The following RBFOX1 variants were observed in gnomAD, a reference collection of about 807,000 sequenced individuals.
The protein encoded by RBFOX1 is RNA binding fox-1 homolog 1.
A neutral mutation model predicts 57.7 loss-of-function variants in RBFOX1; 8 were observed. The ratio of observed to expected loss-of-function variants is 0.14; its 90% CI spans 0.08 to 0.25. The LOEUF (loss-of-function observed/expected upper bound fraction) is 0.25. Ranked by LOEUF, RBFOX1 falls within the 10% of genes least tolerant of loss-of-function variation. The pLI is 1.00. For missense variants in RBFOX1, 611 were observed against 548.5 expected, an observed-to-expected ratio of 1.11 and a Z score of -1.14; for synonymous variants, 326 against 222.4, an observed-to-expected ratio of 1.47 and a Z score of -4.15.
intron 3 of RBFOX1, among the ~76,000 whole-genome samples, chr16:6,770,678 AAGTTCTCCGTCTGCCTGGG>A (rs938269906): frequency 2.6e-5 from 4 of 152,118 alleles, no homozygotes; most frequent in African/African-American, 9.7e-5. Context: ...AGAGTCCACA[AAGTTCTCCGTCTGCCTGGG>A]AGGCAGATGC....
At chr16:6,219,286 C>G (rs924969639) in intron 1 of RBFOX1, among the ~76,000 whole-genome samples, 1 of 151,314 alleles carries the variant, frequency 6.6e-6, no homozygotes, top group Admixed American at 6.6e-5. Flanking sequence ...CTGGGCAACA[C>G]TGGGAGACTG....
chr16:7,310,462 C>T (rs1729160710), intron 4 of RBFOX1, among the ~76,000 whole-genome samples: 1 of 152,122 alleles, frequency 6.6e-6, no homozygotes, highest in Non-Finnish European at 1.5e-5. Context: ...TTGATCAAAA[C>T]TGTAAAAACT....
At chr16:6,764,326 C>G (rs2077032594) in intron 3 of RBFOX1, among the ~76,000 whole-genome samples, 1 of 152,176 alleles carries the variant, frequency 6.6e-6, no homozygotes, top group African/African-American at 2.4e-5. Flanking sequence ...TTGAAAATGG[C>G]CCACCCTTTT....
In RBFOX1 at chr16:7,447,264, C is replaced by G. The variant is rs1050055963; in HGVS notation, c.28-70883C>G. Reference sequence around the variant, plus strand: ...CTGGCCAACATGGGGAAACCCCCATCTCTACTAAAAATACAAAAATTAGCC... The same window carrying G: ...CTGGCCAACATGGGGAAACCCCCATGTCTACTAAAAATACAAAAATTAGCC... On this transcript the variant is annotated intron_variant, in intron 4 of 15. Coordinates refer to ENST00000550418, the MANE Select transcript of RBFOX1 (RefSeq NM_018723.4). Among the ~76,000 whole-genome samples, 4 of 151,628 alleles carry G rather than the reference C, an allele frequency of 2.6e-5. No homozygotes were observed. The East Asian group carries it at 5.9e-4, about 23-fold the overall frequency.
chr16:7,282,702 C>T (rs1186722487), intron 4 of RBFOX1, among the ~76,000 whole-genome samples: 1 of 152,126 alleles, frequency 6.6e-6, no homozygotes, highest in Non-Finnish European at 1.5e-5. Flanking sequence ...ACACTGCACC[C>T]AGTTTGTAGG....
At chr16:6,925,280 C>G (rs539635342) in intron 3 of RBFOX1, among the ~76,000 whole-genome samples, 41 of 150,952 alleles carry the variant, frequency 2.7e-4, no homozygotes, top group African/African-American at 1.0e-3. Flanking sequence ...ATTACAGGTG[C>G]AAATCACCAT....
At position 5,967,428 on chromosome 16, in the gene RBFOX1, G is replaced by A. The variant is rs531461497; in HGVS notation, c.351+100093G>A. 1.5e-4 allele frequency among the ~76,000 whole-genome samples: 23 copies of A among 152,174 alleles called. No homozygotes were observed. In the South Asian group the frequency reaches 4.6e-3, roughly 30 times the overall value. On this transcript the variant is annotated intron_variant, in intron 4 of 19. Transcript: ENST00000641259. The stretch of plus-strand genomic sequence containing the variant: ...TTATACATTTCTTAACCCGGTATTG[G>A]AATCAGTAATTTCTCCAAGAAGCCC...
intron 4 of RBFOX1, among the ~76,000 whole-genome samples, chr16:7,155,650 G>A (rs1156247859): frequency 7.2e-6 from 1 of 138,544 alleles, no homozygotes; most frequent in Non-Finnish European, 1.5e-5. Flanking sequence ...CAGGAATTGG[G>A]CCATGGAAGA....
intron 1 of RBFOX1, among the ~76,000 whole-genome samples, chr16:5,426,219 T>G (rs995008248): frequency 6.6e-6 from 1 of 151,954 alleles, no homozygotes; most frequent in African/African-American, 2.4e-5. Context: ...TTGTGTGGAG[T>G]GGTCCCACTC....
chr16:6,349,942 C>A (rs1361634102), intron 2 of RBFOX1, among the ~76,000 whole-genome samples: 1 of 152,278 alleles, frequency 6.6e-6, no homozygotes. Context: ...GTGAGCTTAA[C>A]TGCTGGAGAT....
chr16:7,688,337 A>T (rs2076570562), intron 14 of RBFOX1, among the ~76,000 whole-genome samples: 1 of 151,888 alleles, frequency 6.6e-6, no homozygotes, highest in Non-Finnish European at 1.5e-5. Context: ...AGTGATATCG[A>T]TCCTGAGATA....
chr16:7,451,275 T>C (rs567028577), intron 4 of RBFOX1, among the ~76,000 whole-genome samples: 6 of 152,348 alleles, frequency 3.9e-5, no homozygotes, highest in Admixed American at 1.3e-4. Flanking sequence ...TATGTACTTA[T>C]TCTGTGCAAA....
intron 14 of RBFOX1, among the ~76,000 whole-genome samples, chr16:7,682,494 T>TA (rs397714728): frequency 2.2e-5 from 1 of 46,456 alleles, no homozygotes. Context: ...GCCAAAGTCA[T>TA]ATCTCTGTGC....
At chr16:7,025,014 C>A (rs773576700) in intron 3 of RBFOX1, among the ~76,000 whole-genome samples, 4 of 152,100 alleles carry the variant, frequency 2.6e-5, no homozygotes, top group African/African-American at 4.8e-5. Context: ...GGGGCTGGAT[C>A]CCGACCCCAA....
intron 5 of RBFOX1, among the ~76,000 whole-genome samples, chr16:7,524,152 G>A (rs1009465044): frequency 6.6e-6 from 1 of 152,158 alleles, no homozygotes; most frequent in Non-Finnish European, 1.5e-5. Context: ...TTATTTCTTT[G>A]AGAAACTAAG....
At chr16:6,360,381 G>T (rs1600094598) in intron 2 of RBFOX1, among the ~76,000 whole-genome samples, 3 of 152,054 alleles carry the variant, frequency 2.0e-5, no homozygotes, top group Non-Finnish European at 1.5e-5. Context: ...GGGACCAAAA[G>T]TTTCTTATCA....
chr16:6,465,171 C>A (rs558777826), intron 2 of RBFOX1, among the ~76,000 whole-genome samples: 1 of 152,234 alleles, frequency 6.6e-6, no homozygotes, highest in Non-Finnish European at 1.5e-5. Context: ...CAGGTTTTTA[C>A]CCATGCAAAG....
At chr16:6,939,582 G>A (rs1303073221) in intron 3 of RBFOX1, among the ~76,000 whole-genome samples, 1 of 150,294 alleles carries the variant, frequency 6.7e-6, no homozygotes, top group African/African-American at 2.5e-5. Flanking sequence ...AGTGATTTCA[G>A]CTCACTGCAA....
At chr16:6,362,833 C>T (rs1291592454) in intron 2 of RBFOX1, among the ~76,000 whole-genome samples, 1 of 152,260 alleles carries the variant, frequency 6.6e-6, no homozygotes, top group East Asian at 1.9e-4. Flanking sequence ...CCTTCACCCT[C>T]GAATTCGAGG....
Sources: allele counts gnomAD v4.1 joint callset (sites outside exome capture counted in the v4.1 genomes callset), GRCh38; gene constraint gnomAD v4.1.1; transcripts MANE v1.5; gene names NCBI Gene and HGNC (gene_info 2026-07-23, HGNC 2026-07-21).